The following SRGAP3 variants were observed in gnomAD, a reference collection of about 807,000 sequenced individuals.
SRGAP3 encodes the protein SLIT-ROBO Rho GTPase activating protein 3.
Under a neutral mutation model 121.1 loss-of-function variants are expected in SRGAP3, and 39 were observed. That is an observed-to-expected ratio of 0.32 (90% CI 0.25 to 0.42). The LOEUF is 0.42. SRGAP3 is among the 10% of genes least tolerant of loss of function. The pLI, the probability that SRGAP3 is intolerant of heterozygous loss-of-function variation, is 1.00. For missense variants in SRGAP3, 1,213 were observed against 1,470.6 expected (o/e 0.82, Z 2.86); for synonymous variants, 601 against 570.0 (o/e 1.05, Z -0.77).
In SRGAP3 at chr3:9,109,552, G is replaced by A. The variant is rs541492567; in HGVS notation, c.261-4710C>T. On this transcript the variant is annotated intron_variant, in intron 2 of 21. Coordinates refer to ENST00000383836, the MANE Select transcript of SRGAP3 (RefSeq NM_014850.4). The surrounding 1 kb of genome is among the most constrained non-coding windows in gnomAD (Gnocchi z 4.4). ...CCTTGCGTTTGTGTGTCTGTGCTGG[G>A]CAGGACTAGGTGCTGCGAGTGCAGG... Among the ~76,000 whole-genome samples, 8 of 152,322 alleles carry A rather than the reference G, an allele frequency of 5.3e-5. No individual in the cohort carries two copies. In the South Asian group the frequency reaches 1.7e-3, roughly 32 times the overall value.
At chr3:9,117,322 C>T (rs1343591842) in intron 2 of SRGAP3, among the ~76,000 whole-genome samples, 2 of 152,244 alleles carry the variant, frequency 1.3e-5, no homozygotes, top group East Asian at 3.8e-4. Flanking sequence ...AGAATTGCTA[C>T]ATCTGTGAAA....
chr3:9,064,362 C>A, intron 5 of SRGAP3, 34 bp downstream of exon 5: 1 of 1,613,872 alleles, frequency 6.2e-7, no homozygotes, highest in Non-Finnish European at 8.5e-7. Flanking sequence ...TGTGCCCTGT[C>A]CCCAATCGCT....
chr3:9,110,185 G>C (rs1337748716), intron 2 of SRGAP3, among the ~76,000 whole-genome samples: 1 of 151,876 alleles, frequency 6.6e-6, no homozygotes, highest in African/African-American at 2.4e-5. Context: ...GTTAGGGCTG[G>C]AAGTTGAGAG....
chr3:9,346,146 C>G (rs1182030794), intron 1 of SRGAP3, among the ~76,000 whole-genome samples: 1 of 151,854 alleles, frequency 6.6e-6, no homozygotes, highest in Non-Finnish European at 1.5e-5. Context: ...TCTTACTGCA[C>G]ATGTGAAAAC....
chr3:9,340,243 T>C, intron 1 of SRGAP3, among the ~76,000 whole-genome samples: 1 of 152,210 alleles, frequency 6.6e-6, no homozygotes, highest in Non-Finnish European at 1.5e-5. Context: ...ATCTATTTTG[T>C]TTATAGATTT....
At chr3:8,997,850 A>G (rs1942502073) in intron 18 of SRGAP3, among the ~76,000 whole-genome samples, 1 of 151,344 alleles carries the variant, frequency 6.6e-6, no homozygotes. Flanking sequence ...CTTTATCTCT[A>G]AACACTTCAG....
intron 4 of SRGAP3, among the ~76,000 whole-genome samples, chr3:9,075,390 T>TGTGTGTGCGCGC (rs1454621766): frequency 6.7e-6 from 1 of 148,486 alleles, no homozygotes; most frequent in African/African-American, 2.6e-5. Flanking sequence ...TGTGTGTGTG[T>TGTGTGTGCGCGC]GCGCGCGCAC....
At chr3:9,048,946 C>T (rs1945421952) in intron 9 of SRGAP3, among the ~76,000 whole-genome samples, 1 of 152,102 alleles carries the variant, frequency 6.6e-6, no homozygotes, top group African/African-American at 2.4e-5. Flanking sequence ...ACATGGGGAC[C>T]TGCGGGAAGG....
chr3:9,032,558 G>C, intron 12 of SRGAP3, 92 bp downstream of exon 12: 1 of 1,211,348 alleles, frequency 8.3e-7, no homozygotes, highest in Non-Finnish European at 1.2e-6. Context: ...GCCTGGCCAA[G>C]GACAGGGCTG....
At chr3:9,148,528 T>C (rs1266031374) in intron 1 of SRGAP3, among the ~76,000 whole-genome samples, 2 of 152,376 alleles carry the variant, frequency 1.3e-5, no homozygotes, top group East Asian at 1.9e-4. Flanking sequence ...TGGCAATTAT[T>C]TGAAACAGGG....
chr3:9,011,444 C>T (rs1251058386), intron 17 of SRGAP3, among the ~76,000 whole-genome samples: 8 of 152,200 alleles, frequency 5.3e-5, no homozygotes. Context: ...ACCTGTGGAG[C>T]CTCATCCTTC....
At chr3:9,024,170 G>T (rs1944069781) in intron 14 of SRGAP3, among the ~76,000 whole-genome samples, 1 of 152,164 alleles carries the variant, frequency 6.6e-6, no homozygotes, top group Non-Finnish European at 1.5e-5. Context: ...TGCAAGTAAA[G>T]GGGTATGGGG....
At chr3:9,264,325 C>G (rs1229263325) in intron 3 of SRGAP3, among the ~76,000 whole-genome samples, 1 of 152,196 alleles carries the variant, frequency 6.6e-6, no homozygotes, top group Non-Finnish European at 1.5e-5. Flanking sequence ...CAAGGATGCC[C>G]TCTCTCACCA....
intron 1 of SRGAP3, among the ~76,000 whole-genome samples, chr3:9,352,727 C>T (rs975456860): frequency 6.6e-6 from 1 of 152,162 alleles, no homozygotes; most frequent in Non-Finnish European, 1.5e-5. Context: ...CCTTGGTGTG[C>T]GTTTGAATCT....
chr3:9,265,609 A>C (rs1194484343), intron 3 of SRGAP3, among the ~76,000 whole-genome samples: 1 of 152,108 alleles, frequency 6.6e-6, no homozygotes, highest in Non-Finnish European at 1.5e-5. Context: ...GCCTACAAAC[A>C]TATGAAAAAA....
chr3:9,058,312 A>G lies in SRGAP3; in HGVS notation c.962T>C (p.Met321Thr). Residue 321 changes from methionine to threonine, a missense_variant, in exon 7 of 22, where the codon ATG (methionine) becomes ACG (threonine). Met to Thr is a moderately conservative substitution (Grantham distance 81, BLOSUM62 -1). This residue lies in a region of SRGAP3 where 793 missense variants were observed against 1,032.9 expected (regional missense o/e 0.77). Coordinates refer to ENST00000383836, the MANE Select transcript of SRGAP3 (RefSeq NM_014850.4). ...SRSDKHTVMD[M>T]CNQVFCPPLK... Reference sequence around the variant, plus strand: ...TGGAGGGCAGAAGACTTGATTGCACATGTCCATGACTGTGTGCTTGTCACT... The same window carrying G: ...TGGAGGGCAGAAGACTTGATTGCACGTGTCCATGACTGTGTGCTTGTCACT... 1.2e-6 allele frequency: 2 copies of G among 1,614,240 alleles called. No homozygotes were observed. Among genetic ancestry groups the G allele is most frequent in the Non-Finnish European group, 1.7e-6 (2 of 1,180,028 alleles).
At chr3:9,099,913 A>C (rs989749424) in intron 3 of SRGAP3, among the ~76,000 whole-genome samples, 4 of 152,228 alleles carry the variant, frequency 2.6e-5, no homozygotes, top group African/African-American at 4.8e-5. Flanking sequence ...CAAGGAGCCA[A>C]GTAAGGTAAA....
intron 1 of SRGAP3, among the ~76,000 whole-genome samples, chr3:9,126,155 C>T (rs1949218647): frequency 6.6e-6 from 1 of 152,184 alleles, no homozygotes; most frequent in Non-Finnish European, 1.5e-5. Flanking sequence ...TCCATTCCCA[C>T]TGCCTGACAA....
At chr3:8,990,254 T>G (rs192588659) in intron 21 of SRGAP3, among the ~76,000 whole-genome samples, 6 of 152,308 alleles carry the variant, frequency 3.9e-5, no homozygotes, top group Middle Eastern at 3.4e-3. Context: ...CCCAGCCCCA[T>G]AATCTGGCCA....
Sources: gnomAD v4.1 joint callset for allele counts (sites outside exome capture counted in the v4.1 genomes callset) on GRCh38, gnomAD v4.1.1 for gene constraint, gnomAD v4.1.1 regional missense constraint, Gnocchi (gnomAD v3.1) non-coding constraint, MANE v1.5 for transcripts, NCBI Gene and HGNC (gene_info 2026-07-23, HGNC 2026-07-21) for gene names.